Variants in P2RX1 observed in about 807,000 individuals in gnomAD.
The protein encoded by P2RX1 is P2X purinoceptor 1.
Under a neutral mutation model 50.3 loss-of-function variants are expected in P2RX1, and 42 were observed. That is an observed-to-expected ratio of 0.83 (90% CI 0.65 to 1.08). The LOEUF is 1.08. Ranked by LOEUF, P2RX1 falls within the 50% of genes least tolerant of loss-of-function variation. P2RX1 has a pLI of 0.00. For missense variants in P2RX1, 449 were observed against 529.0 expected, an observed-to-expected ratio of 0.85 and a Z score of 1.48; for synonymous variants, 199 against 202.6, an observed-to-expected ratio of 0.98 and a Z score of 0.15.
In P2RX1 at chr17:3,903,617, C is replaced by G. The variant is rs563771384; in HGVS notation, c.539G>C (p.Arg180Pro). The change falls in exon 6 of 12, where the codon CGA becomes CCA. Residue 180 changes from arginine to proline, a missense_variant. Transcript: ENST00000225538. This position sits in a 1 kb window ranked among gnomAD's most constrained non-coding sequence, Gnocchi z 4.6. The stretch of plus-strand genomic sequence containing the variant: ...GAAAAGAGTGAAGTTCTCGGCCTCT[C>G]GGAGAAGGGCAGGGCTGGAGGACAC... The part of the protein sequence containing the change: ...DDDIPRPALL[R>P]EAENFTLFIK... 1.1e-5 allele frequency: 18 copies of G among 1,613,872 alleles called. No individual in the cohort carries two copies. Among genetic ancestry groups the G allele is most frequent in the East Asian group, 2.2e-5 (1 of 44,862 alleles).
At chr17:3,907,651 C>T (rs1424222147) in intron 1 of P2RX1, among the ~76,000 whole-genome samples, 3 of 152,212 alleles carry the variant, frequency 2.0e-5, no homozygotes, top group Admixed American at 1.3e-4. Flanking sequence ...AAGTCACATG[C>T]TCCCGAAGCC....
Position 3,898,940 on chromosome 17 carries a change from G to T in P2RX1, c.960C>A (p.Asp320Glu), listed in dbSNP as rs139414872. Reference protein sequence around the residue: ...VFGIRFDILVDGKAGKFDIIP... With the variant: ...VFGIRFDILVEGKAGKFDIIP... ...CCTCACACTGGACACTCACCTTGCC[G>T]TCCACCAGGATGTCAAAGCGAATCC... is the stretch of plus-strand genomic sequence containing the variant. The change falls in exon 9 of 12, where the codon GAC (aspartate) becomes GAA (glutamate). Residue 320 changes from aspartate to glutamate, a missense_variant. Asp to Glu is a conservative substitution (Grantham distance 45, BLOSUM62 2). Coordinates refer to ENST00000225538, the MANE Select transcript of P2RX1 (RefSeq NM_002558.4). 6.2e-7 allele frequency: 1 copy of T among 1,612,982 alleles called. No individual in the cohort carries two copies.
At chr17:3,912,906 C>T (rs1020075882) in intron 1 of P2RX1, among the ~76,000 whole-genome samples, 2 of 152,094 alleles carry the variant, frequency 1.3e-5, no homozygotes, top group African/African-American at 4.8e-5. Context: ...TGTGTGGAGG[C>T]GCAGGGGATG....
In P2RX1 at chr17:3,912,337, A is replaced by AT. The variant is rs5818924; in HGVS notation, c.137+3751dup. 8.7e-4 allele frequency among the ~76,000 whole-genome samples: 128 copies of AT among 147,724 alleles called. 1 individual carries two copies. The highest frequency in any genetic ancestry group is 1.9e-3 in the African/African-American group (76 of 40,172). On this transcript the variant is annotated intron_variant, in intron 1 of 11. Transcript: ENST00000225538. ...TATTCATTTATTTGTTTGTTTTTTTATTTTTTTTTTTGAGACGGAGTCTCA... is the reference window on the plus strand; with the variant it reads ...TATTCATTTATTTGTTTGTTTTTTTATTTTTTTTTTTTGAGACGGAGTCTCA...
Position 3,904,872 on chromosome 17 carries a change from C to A in P2RX1, c.343G>T (p.Gly115Cys). The part of the protein sequence containing the change: ...NFIVTPKQTQ[G>C]YCAEHPEGGI... The stretch of plus-strand genomic sequence containing the variant: ...GAAGTCCTCACCTCTGCGCAGTAGC[C>A]TTGAGTCTGCTTCGGGGTCACGATG... Residue 115 changes from glycine (G) to cysteine (C), a missense_variant, in exon 3 of 12, where the codon GGC becomes TGC. Gly to Cys is a radical substitution (Grantham distance 159, BLOSUM62 -3). Coordinates refer to ENST00000225538, the MANE Select transcript of P2RX1 (RefSeq NM_002558.4). 1 of 1,509,822 alleles carries A rather than the reference C, an allele frequency of 6.6e-7. No homozygotes were observed. The highest frequency in any genetic ancestry group is 1.9e-5 in the Admixed American group (1 of 52,678). 93.5% of individuals were successfully genotyped at this position (1,509,822 alleles called of 1,614,324 possible).
At chr17:3,912,139 G>C (rs1284629154) in intron 1 of P2RX1, among the ~76,000 whole-genome samples, 2 of 152,138 alleles carry the variant, frequency 1.3e-5, no homozygotes, top group Non-Finnish European at 2.9e-5. Flanking sequence ...TAGGTCATGG[G>C]CAGCTTCTTT....
At chr17:3,909,941 T>C (rs957830423) in intron 1 of P2RX1, among the ~76,000 whole-genome samples, 1 of 151,802 alleles carries the variant, frequency 6.6e-6, no homozygotes, top group African/African-American at 2.4e-5. Context: ...TGCTCCTCAA[T>C]TTACAATGTG....
chr17:3,913,958 T>A (rs1211790963), intron 1 of P2RX1, among the ~76,000 whole-genome samples: 1 of 152,006 alleles, frequency 6.6e-6, no homozygotes, highest in East Asian at 1.9e-4. Flanking sequence ...AGGGGTTCGG[T>A]TTGCCGCTGT....
chr17:3,897,990 G>A lies in P2RX1; in HGVS notation c.1134+19C>T, dbSNP rs1018417742. The A allele has an allele frequency of 2.5e-6, 4 of 1,612,658 alleles. No individual in the cohort carries two copies. Among genetic ancestry groups the A allele is most frequent in the African/African-American group, 2.7e-5 (2 of 74,914 alleles). ...GCGCCGGAGGCCTTCGAAGGGCCTG[G>A]CTCGGGGGGTTCTCTTACCGCCCCT... On this transcript the variant is annotated intron_variant, in intron 11 of 11. Coordinates refer to ENST00000225538, the MANE Select transcript of P2RX1 (RefSeq NM_002558.4).
rs532756278 is a variant in P2RX1 at position 3,916,353 on chromosome 17, C to A, written c.-128G>T. The A allele has an allele frequency of 8.3e-6, 9 of 1,084,730 alleles. No individual in the cohort carries two copies. The East Asian group carries it at 1.7e-4, about 20-fold the overall frequency. The allele number at this position is 1,084,730 out of a possible 1,614,324, so 67.2% of individuals were successfully genotyped here. A position where few individuals can be genotyped will look rare whatever the true frequency, so the allele number is the denominator to read the frequency against. ...TCCTGGCCCCTTAGGAAGAGCAGGG[C>A]GGTGCAGGTGGAGCCAGAGGACAGG... On this transcript the variant is annotated 5_prime_UTR_variant, in exon 1 of 12. Coordinates refer to ENST00000225538, the MANE Select transcript of P2RX1 (RefSeq NM_002558.4).
Position 3,916,072 on chromosome 17 carries a change from G to A in P2RX1, c.137+17C>T. On this transcript the variant is annotated intron_variant, in intron 1 of 11. Coordinates refer to ENST00000225538, the MANE Select transcript of P2RX1 (RefSeq NM_002558.4). Reference sequence around the variant, plus strand: ...GGGTAGGGGCTGGTGCAGGCAGCGGGAGGCGCCCGGACTCACCCGATGACG... The same window carrying A: ...GGGTAGGGGCTGGTGCAGGCAGCGGAAGGCGCCCGGACTCACCCGATGACG... 6.2e-7 allele frequency: 1 copy of A among 1,613,130 alleles called. No individual in the cohort carries two copies. Among genetic ancestry groups the A allele is most frequent in the Non-Finnish European group, 8.5e-7 (1 of 1,179,852 alleles).
At chr17:3,899,108 G>A in intron 8 of P2RX1, 84 bp from the exon 9 acceptor site, 1 of 933,022 alleles carries the variant, frequency 1.1e-6, no homozygotes, top group Non-Finnish European at 1.8e-6. Context: ...GGATACAGGA[G>A]ATTTAGTGGT....
chr17:3,915,922 C>A, intron 1 of P2RX1, 167 bp downstream of exon 1: 1 of 864,766 alleles, frequency 1.2e-6, no homozygotes, highest in Non-Finnish European at 1.9e-6. Flanking sequence ...CCCATCTCAA[C>A]AGCGAGTTGG....
At position 3,898,568 on chromosome 17, in the gene P2RX1, G is replaced by A. The variant is rs76557575; in HGVS notation, c.967-19C>T. The A allele has an allele frequency of 4.2e-4, 676 of 1,603,256 alleles. 2 individuals carry two copies. In the African/African-American group the frequency reaches 7.0e-3, roughly 17 times the overall value. On this transcript the variant is annotated intron_variant, in intron 9 of 11. Transcript: ENST00000225538. ...TCCCGGCCTGGTGGCAGGACCCAGG[G>A]AGAGAAGGGCTAACCGTCGGAAGGG...
rs1014497749 is a variant in P2RX1, at chr17:3,913,869, T to G, written c.137+2220A>C. Among the ~76,000 whole-genome samples the G allele has an allele frequency of 8.3e-5, 12 of 145,120 alleles. No homozygotes were observed. The East Asian group carries it at 1.7e-3, about 20-fold the overall frequency. On this transcript the variant is annotated intron_variant, in intron 1 of 11. Coordinates refer to ENST00000225538, the MANE Select transcript of P2RX1 (RefSeq NM_002558.4). ...GAGCTGAGTGCACTCTTGGGGGGGGTGGTCCCCTGCAACCCGTGCCCCACG... is the reference window on the plus strand; with the variant it reads ...GAGCTGAGTGCACTCTTGGGGGGGGGGGTCCCCTGCAACCCGTGCCCCACG...
intron 1 of P2RX1, chr17:3,915,444 C>T (rs1048507052): frequency 4.4e-6 from 2 of 456,352 alleles, no homozygotes; most frequent in South Asian, 1.5e-5. Context: ...ACTGCAGGAG[C>T]GTCCCACGCT....
At chr17:3,900,020 G>C (rs557588124) in intron 7 of P2RX1, among the ~76,000 whole-genome samples, 2 of 152,136 alleles carry the variant, frequency 1.3e-5, no homozygotes, top group African/African-American at 4.8e-5. Context: ...GGAATCACTT[G>C]AACCTGGGAG....
At chr17:3,915,180 G>A (rs2056427991) in intron 1 of P2RX1, among the ~76,000 whole-genome samples, 1 of 152,192 alleles carries the variant, frequency 6.6e-6, no homozygotes. Context: ...GTGGCCCTGG[G>A]GCCTCCAGGA....
rs775564805 is a variant in P2RX1, at chr17:3,899,739, A to T, written c.770T>A (p.Ile257Asn). Residue 257 changes from isoleucine to asparagine, a missense_variant, in exon 8 of 12, where the codon ATC becomes AAC. By Grantham distance (149) the Ile-to-Asn change is moderately radical. Transcript: ENST00000225538. ...CCAGTCCAGGTCACAGTGCCAGTCG[A>T]TGGTGATGCCAACCACTCCACCCTG... ...AEKGGVVGIT[I>N]DWHCDLDWHV... 1.2e-6 allele frequency: 2 copies of T among 1,613,834 alleles called. No homozygotes were observed. The highest frequency in any genetic ancestry group is 4.5e-5 in the East Asian group (2 of 44,874).
Sources: gnomAD v4.1 joint callset for allele counts (sites outside exome capture counted in the v4.1 genomes callset) on GRCh38, gnomAD v4.1.1 for gene constraint, Gnocchi (gnomAD v3.1) non-coding constraint, MANE v1.5 for transcripts, NCBI Gene and HGNC (gene_info 2026-07-23, HGNC 2026-07-21) for gene names.